The following SEC14L3 variants were observed in gnomAD, a reference collection of about 807,000 sequenced individuals.
SEC14L3 encodes the protein SEC14-like protein 3.
A neutral mutation model predicts 57.4 loss-of-function variants in SEC14L3; 56 were observed. The ratio of observed to expected loss-of-function variants is 0.97; its 90% CI spans 0.79 to 1.22. SEC14L3 has a LOEUF of 1.22. Among genes scored for constraint, SEC14L3 ranks in the 50% most tolerant of loss-of-function variants. SEC14L3 has a pLI of 0.00. For missense variants in SEC14L3, 485 were observed against 511.7 expected, an observed-to-expected ratio of 0.95 and a Z score of 0.50; for synonymous variants, 173 against 194.4, an observed-to-expected ratio of 0.89 and a Z score of 0.92.
chr22:30,469,728 G>C (rs562175739), intron 4 of SEC14L3, among the ~76,000 whole-genome samples: 190 of 152,236 alleles, frequency 1.2e-3, no homozygotes, highest in African/African-American at 4.3e-3. Flanking sequence ...TTGGGCTATG[G>C]GACTGTGGGC....
At chr22:30,454,583 A>ATT (rs1278554602), downstream of SEC14L3, among the ~76,000 whole-genome samples, 7 of 105,204 alleles carry the variant, frequency 6.7e-5, no homozygotes, top group African/African-American at 3.0e-4. Flanking sequence ...AATCTATAAT[A>ATT]ATATTATTAT....
downstream of SEC14L3, chr22:30,459,208 A>C: frequency 1.1e-6 from 1 of 921,010 alleles, no homozygotes; most frequent in South Asian, 5.0e-5. Flanking sequence ...AGTTTCTGGT[A>C]CACAGAGAGC....
chr22:30,468,634 C>A lies in SEC14L3; in HGVS notation c.297G>T (p.Trp99Cys), dbSNP rs146058294. Reference protein sequence around the residue: ...CGYDRDGCPVWYDIIGPLDPK... With the variant: ...CGYDRDGCPVCYDIIGPLDPK... Reference sequence around the variant, plus strand: ...GATCAAGTGGCCCAATGATGTCATACCACACGGGGCAGCCATCACGGTCAT... The same window carrying A: ...GATCAAGTGGCCCAATGATGTCATAACACACGGGGCAGCCATCACGGTCAT... The change falls in exon 5 of 12, where the codon TGG (tryptophan) becomes TGT (cysteine). Residue 99 changes from tryptophan to cysteine, a missense_variant. Trp to Cys is a radical substitution (Grantham distance 215). Coordinates refer to ENST00000215812, the MANE Select transcript of SEC14L3 (RefSeq NM_174975.5). The A allele has an allele frequency of 2.5e-6, 4 of 1,613,788 alleles. No individual in the cohort carries two copies. The highest frequency in any genetic ancestry group is 2.2e-5 in the South Asian group (2 of 91,038).
At chr22:30,457,490 C>A (rs994779238), downstream of SEC14L3, among the ~76,000 whole-genome samples, 3 of 148,920 alleles carry the variant, frequency 2.0e-5, no homozygotes, top group East Asian at 6.0e-4. Flanking sequence ...TCAAGAGATT[C>A]TCATGCCTCA....
intron 5 of SEC14L3, 101 bp from the exon 6 acceptor site, chr22:30,467,178 A>G: frequency 1.3e-6 from 2 of 1,525,096 alleles, no homozygotes; most frequent in Non-Finnish European, 1.8e-6. Context: ...CTAGACCCCG[A>G]CTCTGTCCTC....
chr22:30,455,296 TG>T (rs1935102766), downstream of SEC14L3, among the ~76,000 whole-genome samples: 1 of 143,492 alleles, frequency 7.0e-6, no homozygotes, highest in South Asian at 2.1e-4. Context: ...TCGCCCAGGC[TG>T]GAGTGCAGTG....
exon 13 of SEC14L3, chr22:30,448,994 G>A (rs1304997302): frequency 1.3e-5 from 16 of 1,221,292 alleles, no homozygotes; most frequent in Non-Finnish European, 1.5e-5. Flanking sequence ...ATGGCAAGGC[G>A]GTCAGGAGCC....
At chr22:30,450,353 T>A (rs1345369771) in intron 12 of SEC14L3, among the ~76,000 whole-genome samples, 3 of 152,110 alleles carry the variant, frequency 2.0e-5, no homozygotes, top group Non-Finnish European at 4.4e-5. Context: ...TCCCCCAGGC[T>A]GGAGTATAGT....
At chr22:30,452,742 CTCACT>C (rs1935013800) in intron 12 of SEC14L3, among the ~76,000 whole-genome samples, 1 of 125,582 alleles carries the variant, frequency 8.0e-6, no homozygotes. Context: ...TTGACAGGTT[CTCACT>C]CTGTCACCCA....
intron 1 of SEC14L3, among the ~76,000 whole-genome samples, chr22:30,470,924 G>A (rs535086767): frequency 6.6e-6 from 1 of 152,162 alleles, no homozygotes; most frequent in Non-Finnish European, 1.5e-5. Context: ...AGAGATGGGT[G>A]GGTGATTGAG....
At chr22:30,463,692 A>G (rs894297111) in intron 8 of SEC14L3, among the ~76,000 whole-genome samples, 2 of 152,140 alleles carry the variant, frequency 1.3e-5, no homozygotes, top group African/African-American at 4.8e-5. Context: ...CTGTGATCTG[A>G]CTATCCTGCT....
chr22:30,469,956 G>C (rs531531497), intron 4 of SEC14L3, 63 bp downstream of exon 4: 3 of 1,291,852 alleles, frequency 2.3e-6, no homozygotes, highest in African/African-American at 3.0e-5. Context: ...CTCATTCATG[G>C]TCCCCAGTGA....
intron 12 of SEC14L3, among the ~76,000 whole-genome samples, chr22:30,452,006 A>AAG (rs1934993156): frequency 1.4e-5 from 2 of 142,100 alleles, no homozygotes; most frequent in Non-Finnish European, 3.1e-5. Context: ...AAAAAAAAAA[A>AAG]AAAGAAAAAA....
chr22:30,461,456 G>A lies in SEC14L3; in HGVS notation c.935C>T (p.Ala312Val), dbSNP rs144684185. The A allele has an allele frequency of 1.4e-5, 22 of 1,613,558 alleles. No individual in the cohort carries two copies. The highest frequency in any genetic ancestry group is 2.2e-5 in the South Asian group (2 of 91,026). The change falls in exon 11 of 12, where the codon GCG becomes GTG. Residue 312 changes from alanine (A) to valine (V), a missense_variant. By Grantham distance (64) the Ala-to-Val change is moderately conservative. Coordinates refer to ENST00000215812, the MANE Select transcript of SEC14L3 (RefSeq NM_174975.5). ...VLRWQFSSDG[A>V]DIGFGVFLKT... ...CAGGAAAACTCCGAAGCCGATGTCCGCACCATCAGATGAGAACTGCCACCT... is the reference window on the plus strand; with the variant it reads ...CAGGAAAACTCCGAAGCCGATGTCCACACCATCAGATGAGAACTGCCACCT...
intron 12 of SEC14L3, among the ~76,000 whole-genome samples, chr22:30,451,891 C>T (rs1301993702): frequency 6.8e-6 from 1 of 146,948 alleles, no homozygotes; most frequent in Non-Finnish European, 1.5e-5. Context: ...ACTCGGGAGG[C>T]TGAGGCACGA....
chr22:30,462,737 ATTC>A (rs1767670163), intron 8 of SEC14L3, among the ~76,000 whole-genome samples: 2 of 104,488 alleles, frequency 1.9e-5, no homozygotes, highest in Admixed American at 1.9e-4. Context: ...CCTATGGCAC[ATTC>A]TTTTTTTTTT....
intron 12 of SEC14L3, among the ~76,000 whole-genome samples, chr22:30,450,501 C>T (rs1415426386): frequency 6.6e-6 from 1 of 152,100 alleles, no homozygotes; most frequent in Non-Finnish European, 1.5e-5. Context: ...CAGTGTTTCA[C>T]CATATTGGCC....
intron 5 of SEC14L3, 90 bp downstream of exon 5, chr22:30,468,418 T>G: frequency 2.1e-6 from 2 of 931,466 alleles, no homozygotes; most frequent in South Asian, 1.6e-5. Context: ...CTGACTGTGG[T>G]TGTAGAGAAC....
chr22:30,466,848 C>T, intron 6 of SEC14L3, 134 bp downstream of exon 6: 2 of 769,140 alleles, frequency 2.6e-6, no homozygotes, highest in Non-Finnish European at 2.1e-6. Context: ...TTAAGGCCTT[C>T]TGGAGTTTGA....
Sources: gnomAD v4.1 joint callset for allele counts (sites outside exome capture counted in the v4.1 genomes callset) on GRCh38, gnomAD v4.1.1 for gene constraint, MANE v1.5 for transcripts, NCBI Gene and HGNC (gene_info 2026-07-23, HGNC 2026-07-21) for gene names.